Variants in RPS18 observed in about 807,000 individuals in gnomAD.
RPS18 encodes small ribosomal subunit protein uS13.
For synonymous variants in RPS18, 64 were observed against 70.9 expected (o/e 0.90, Z 0.49); for missense variants, 49 against 200.8 (o/e 0.24, Z 4.57).
chr6:33,274,790 A>G (rs748675853), intron 2 of RPS18, among the ~76,000 whole-genome samples: 1 of 152,104 alleles, frequency 6.6e-6, no homozygotes, highest in African/African-American at 2.4e-5. Flanking sequence ...TTATTTCCGT[A>G]ACGACCTTAT....
intron 5 of RPS18, 46 bp from the exon 6 acceptor site, chr6:33,276,345 T>C: frequency 6.2e-7 from 1 of 1,609,234 alleles, no homozygotes. Context: ...CCCAACCTTT[T>C]GTTTCTGCTG....
At chr6:33,273,892 TTTAA>T (rs929082929) in intron 2 of RPS18, among the ~76,000 whole-genome samples, 1 of 90,430 alleles carries the variant, frequency 1.1e-5, no homozygotes, top group African/African-American at 5.8e-5. Context: ...AACCTCGTCA[TTTAA>T]TTAATAAATT....
Position 33,272,657 on chromosome 6 carries a change from T to C in RPS18, c.33T>C (p.His11=). 1 of 1,575,178 alleles carries C rather than the reference T, an allele frequency of 6.3e-7. No individual in the cohort carries two copies. MSLVIPEKFQ[H]ILRVLNTNID... ...TAGTGATCCCTGAAAAGTTCCAGCATATTTTGCGAGTACTCAACACCAACA... is the reference window on the plus strand; with the variant it reads ...TAGTGATCCCTGAAAAGTTCCAGCACATTTTGCGAGTACTCAACACCAACA... Residue 11 remains histidine (H), a synonymous_variant, in exon 2 of 6, where the codon CAT becomes CAC. Transcript: ENST00000439602.
intron 2 of RPS18, chr6:33,275,202 A>G (rs1182146421): frequency 6.5e-6 from 1 of 154,512 alleles, no homozygotes; most frequent in African/African-American, 2.4e-5. Flanking sequence ...ATCAGAAGGC[A>G]CTTAGTGACA....
At chr6:33,275,929 G>A (rs1289083931) in intron 3 of RPS18, 36 bp from the exon 4 acceptor site, 5 of 1,605,630 alleles carry the variant, frequency 3.1e-6, no homozygotes, top group African/African-American at 2.7e-5. Flanking sequence ...CCTCAGAAAG[G>A]GGTCCATCTA....
At chr6:33,275,905 G>C in intron 3 of RPS18, 22 bp downstream of exon 3, 1 of 1,606,618 alleles carries the variant, frequency 6.2e-7, no homozygotes, top group South Asian at 1.1e-5. Context: ...GAAGGGGGCT[G>C]GGGGTGGGGT....
chr6:33,275,897 A>AGG lies in RPS18; in HGVS notation c.189+18_189+19dup, dbSNP rs1337499917. The AGG allele has an allele frequency of 6.4e-7, 1 of 1,558,170 alleles. No homozygotes were observed. The highest frequency in any genetic ancestry group is 1.4e-5 in the African/African-American group (1 of 73,584). On this transcript the variant is annotated intron_variant, in intron 3 of 5. Coordinates refer to ENST00000439602, the MANE Select transcript of RPS18 (RefSeq NM_022551.3). ...ACTGAGGATGAGGTGAGGACAAGGA[A>AGG]GGGGGCTGGGGGTGGGGTCAGCCTC...
At chr6:33,276,325 C>T (rs1177727380) in intron 5 of RPS18, 58 bp downstream of exon 5, 1 of 1,606,488 alleles carries the variant, frequency 6.2e-7, no homozygotes, top group South Asian at 1.1e-5. Context: ...CCTACTCGCT[C>T]TTCTTTTTCC....
intron 1 of RPS18, 93 bp downstream of exon 1, chr6:33,272,215 G>A: frequency 7.2e-7 from 1 of 1,393,442 alleles, no homozygotes; most frequent in Non-Finnish European, 9.9e-7. Context: ...TGCCCTGAGG[G>A]CCTGCGACTT....
chr6:33,272,264 A>AC, intron 1 of RPS18, 142 bp downstream of exon 1: 2 of 949,256 alleles, frequency 2.1e-6, no homozygotes, highest in South Asian at 3.0e-5. Flanking sequence ...GGAAAGGGAC[A>AC]CCAAAGATTT....
Position 33,276,238 on chromosome 6 carries a change from G to C in RPS18, c.354G>C (p.Arg118=). ...ACCTGGAGCGACTGAAGAAGATTCGGGCCCATAGAGGGCTGCGTCACTTCT... is the reference window on the plus strand; with the variant it reads ...ACCTGGAGCGACTGAAGAAGATTCGCGCCCATAGAGGGCTGCGTCACTTCT... ...REDLERLKKI[R]AHRGLRHFWG... Residue 118 remains arginine (R), a synonymous_variant, in exon 5 of 6, where the codon CGG becomes CGC. Transcript: ENST00000439602. 2 of 1,614,094 alleles carry C rather than the reference G, an allele frequency of 1.2e-6. No individual in the cohort carries two copies.
chr6:33,275,900 G>A lies in RPS18; in HGVS notation c.189+17G>A, dbSNP rs1050870968. On this transcript the variant is annotated intron_variant, in intron 3 of 5. Transcript: ENST00000439602. ...GAGGATGAGGTGAGGACAAGGAAGG[G>A]GGCTGGGGGTGGGGTCAGCCTCAGA... The A allele has an allele frequency of 1.2e-6, 2 of 1,608,714 alleles. No individual in the cohort carries two copies. The highest frequency in any genetic ancestry group is 1.7e-6 in the Non-Finnish European group (2 of 1,175,110).
chr6:33,272,379 T>C (rs1562589984), intron 1 of RPS18: 7 of 605,676 alleles, frequency 1.2e-5, no homozygotes, highest in East Asian at 5.5e-5. Flanking sequence ...CACGCACTTT[T>C]GGGAATGGGC....
chr6:33,272,842 C>A (rs1765326292), intron 2 of RPS18, 116 bp downstream of exon 2: 2 of 713,684 alleles, frequency 2.8e-6, no homozygotes, highest in African/African-American at 3.5e-5. Context: ...ACCTTGACTG[C>A]TGGATTAAGA....
chr6:33,272,419 G>A, intron 1 of RPS18: 1 of 610,382 alleles, frequency 1.6e-6, no homozygotes, highest in Non-Finnish European at 2.9e-6. Context: ...TCCAGAGGTT[G>A]CATTTTCCCA....
At chr6:33,276,317 T>A in intron 5 of RPS18, 50 bp downstream of exon 5, 2 of 1,604,518 alleles carry the variant, frequency 1.2e-6, no homozygotes, top group Non-Finnish European at 1.7e-6. Context: ...GCATTCCTCC[T>A]ACTCGCTCTT....
In RPS18 at chr6:33,272,612, G is replaced by C; in HGVS notation, c.4-16G>C. 1 of 1,103,692 alleles carries C rather than the reference G, an allele frequency of 9.1e-7. No homozygotes were observed. Among genetic ancestry groups the C allele is most frequent in the Non-Finnish European group, 1.4e-6 (1 of 713,780 alleles). 68.4% of individuals were successfully genotyped at this position (1,103,692 alleles called of 1,614,324 possible). ...TTTACTGTGTCTGATTTCTTCCCCC[G>C]TACTTTTTCAACTAGTCTCTAGTGA... On this transcript the variant is annotated splice_polypyrimidine_tract_variant and intron_variant, in intron 1 of 5. Coordinates refer to ENST00000439602, the MANE Select transcript of RPS18 (RefSeq NM_022551.3).
Position 33,275,962 on chromosome 6 carries a change from C to T in RPS18, c.190-3C>T. The T allele has an allele frequency of 6.2e-7, 1 of 1,610,366 alleles. No individual in the cohort carries two copies. ...CTAGATCTGACCTTGGTCTGCCTGC[C>T]AGGTGGAACGTGTGATCACCATTAT... On this transcript the variant is annotated splice_region_variant and splice_polypyrimidine_tract_variant and intron_variant, in intron 3 of 5. Coordinates refer to ENST00000439602, the MANE Select transcript of RPS18 (RefSeq NM_022551.3).
At chr6:33,275,632 C>T (rs1014937148) in intron 2 of RPS18, 165 bp from the exon 3 acceptor site, 17 of 670,334 alleles carry the variant, frequency 2.5e-5, no homozygotes, top group Admixed American at 1.5e-4. Flanking sequence ...AGTTAACCTT[C>T]TGTCGAACGG....
Sources: gnomAD v4.1 joint callset for allele counts (sites outside exome capture counted in the v4.1 genomes callset) on GRCh38, gnomAD v4.1.1 for gene constraint, MANE v1.5 for transcripts, NCBI Gene and HGNC (gene_info 2026-07-23, HGNC 2026-07-21) for gene names.